USP48: variants seen among roughly 807,000 people sequenced by gnomAD.
The protein encoded by USP48 is ubiquitin specific peptidase 48.
Under a neutral mutation model 150.7 loss-of-function variants are expected in USP48, and 43 were observed. That is an observed-to-expected ratio of 0.29 (90% confidence interval 0.22 to 0.37). The LOEUF (loss-of-function observed/expected upper bound fraction) is 0.37. Ranked by LOEUF, USP48 falls within the 10% of genes least tolerant of loss-of-function variation. USP48 has a pLI of 1.00. For synonymous variants in USP48, 396 were observed against 425.9 expected (o/e 0.93, Z 0.86); for missense variants, 813 against 1,249.6 (o/e 0.65, Z 5.27).
chr1:21,777,714 T>C (rs1336717729), intron 1 of USP48, among the ~76,000 whole-genome samples: 3 of 151,766 alleles, frequency 2.0e-5, no homozygotes, highest in African/African-American at 4.8e-5. Flanking sequence ...TTGGACTACA[T>C]CAACATGAAA....
chr1:21,683,499 C>T (rs747796642), intron 25 of USP48, among the ~76,000 whole-genome samples: 1 of 152,130 alleles, frequency 6.6e-6, no homozygotes, highest in Non-Finnish European at 1.5e-5. Flanking sequence ...ATCCACCCAC[C>T]TCAGCCTCCC....
intron 1 of USP48, among the ~76,000 whole-genome samples, chr1:21,775,313 G>A (rs573077896): frequency 1.1e-4 from 17 of 152,196 alleles, no homozygotes; most frequent in Admixed American, 8.5e-4. Context: ...CCAGGTTGGC[G>A]TGCAGTGGCT....
chr1:21,689,584 G>A (rs2097591164), intron 24 of USP48, among the ~76,000 whole-genome samples: 1 of 152,104 alleles, frequency 6.6e-6, no homozygotes, highest in African/African-American at 2.4e-5. Context: ...GGGTGAGTGG[G>A]ATTTATACCA....
chr1:21,686,622 T>C (rs1347503165), intron 25 of USP48: 2 of 152,528 alleles, frequency 1.3e-5, no homozygotes, highest in Admixed American at 1.3e-4. Flanking sequence ...GGAGGGTAAG[T>C]AATGGGCTGC....
At chr1:21,687,347 T>C in intron 24 of USP48, 108 bp from the exon 25 acceptor site, 5 of 1,027,692 alleles carry the variant, frequency 4.9e-6, no homozygotes, top group Non-Finnish European at 7.3e-6. Context: ...ACAAACACAC[T>C]GTCCAGTAGA....
chr1:21,691,614 G>C (rs933604994), intron 23 of USP48, among the ~76,000 whole-genome samples: 1 of 152,190 alleles, frequency 6.6e-6, no homozygotes, highest in South Asian at 2.1e-4. Context: ...CAGTCTGGGC[G>C]AAAGAGCAAG....
chr1:21,708,839 C>T lies in USP48; in HGVS notation c.1964-1971G>A, dbSNP rs1444197531. ...GGCAGAGGTTGCAGTGAGCCAAGAT[C>T]GCACCATTGTAATCCAGCCTGGGTG... On this transcript the variant is annotated intron_variant, in intron 15 of 26. Transcript: ENST00000308271. 3.7e-5 allele frequency among the ~76,000 whole-genome samples: 5 copies of T among 135,670 alleles called. No individual in the cohort carries two copies. The East Asian group carries it at 8.8e-4, about 24-fold the overall frequency. The allele number at this position is 135,670 out of a possible 152,430, so 89.0% of individuals were successfully genotyped here. A position where few individuals can be genotyped will look rare whatever the true frequency, so the allele number is the denominator to read the frequency against.
chr1:21,705,693 A>AG, intron 19 of USP48, 34 bp downstream of exon 19: 1 of 1,463,236 alleles, frequency 6.8e-7, no homozygotes. Context: ...AGAGAAAAGA[A>AG]GAAAAAAAAA....
At chr1:21,684,124 A>G (rs761004174) in intron 25 of USP48, among the ~76,000 whole-genome samples, 8 of 152,154 alleles carry the variant, frequency 5.3e-5, no homozygotes, top group Non-Finnish European at 1.2e-4. Flanking sequence ...CGATACACTG[A>G]TTTCTTTTCC....
chr1:21,770,642 G>A (rs970673771), intron 1 of USP48, among the ~76,000 whole-genome samples: 3 of 151,238 alleles, frequency 2.0e-5, no homozygotes, highest in East Asian at 2.0e-4. Context: ...CACCATGCTC[G>A]GCTAATTTTT....
rs372049370 is a variant in USP48 at position 21,782,852 on chromosome 1, G to A, written c.106C>T (p.Leu36=). 7.0e-6 allele frequency: 11 copies of A among 1,560,326 alleles called. No homozygotes were observed. The Admixed American group carries it at 1.5e-4, about 22-fold the overall frequency. ...CACACGCCGCGAATGCAGGGCTCCA[G>A]CCAGATGCGGTAAGCGGTCTCGATG... The part of the protein sequence containing the change: ...EHIETAYRIW[L]EPCIRGVCRR... The change falls in exon 1 of 27, where the codon CTG becomes TTG. Residue 36 remains leucine (L), a synonymous_variant. Transcript: ENST00000308271.
At chr1:21,761,539 T>C (rs2097850119) in intron 1 of USP48, among the ~76,000 whole-genome samples, 6 of 152,150 alleles carry the variant, frequency 3.9e-5, no homozygotes, top group Admixed American at 3.3e-4. Flanking sequence ...TGTTACATAT[T>C]CCAAAAATAA....
rs1210477957 is a variant in USP48, at chr1:21,775,374, G to T, written c.134+7450C>A. Among the ~76,000 whole-genome samples the T allele has an allele frequency of 7.9e-5, 12 of 152,232 alleles. No homozygotes were observed. The East Asian group carries it at 1.9e-3, about 25-fold the overall frequency. ...CCTCCTGGGTTCAAGCAATTCTCGCGCCTCAGCCTCCTGAGTAGCTGGAAT... is the reference window on the plus strand; with the variant it reads ...CCTCCTGGGTTCAAGCAATTCTCGCTCCTCAGCCTCCTGAGTAGCTGGAAT... On this transcript the variant is annotated intron_variant, in intron 1 of 26. Coordinates refer to ENST00000308271, the MANE Select transcript of USP48 (RefSeq NM_032236.8).
Position 21,705,741 on chromosome 1 carries a change from T to C in USP48, c.2370A>G (p.Lys790=). 1.2e-6 allele frequency: 2 copies of C among 1,604,594 alleles called. No homozygotes were observed. Among genetic ancestry groups the C allele is most frequent in the South Asian group, 2.3e-5 (2 of 88,506 alleles). ...AAGGAACTCACAGTTTAGAATCTTC[T>C]TTGGTCATGGAAGCAAATGTAAACA... ...GLMFTFASMT[K]EDSKLIALIW... The change falls in exon 19 of 27, where the codon AAA becomes AAG. Residue 790 remains lysine (K), a synonymous_variant. Coordinates refer to ENST00000308271, the MANE Select transcript of USP48 (RefSeq NM_032236.8).
At chr1:21,708,141 C>T (rs934919907) in intron 15 of USP48, among the ~76,000 whole-genome samples, 2 of 151,862 alleles carry the variant, frequency 1.3e-5, no homozygotes, top group Non-Finnish European at 1.5e-5. Flanking sequence ...CTGGCCTGGG[C>T]AACAGAGAGA....
chr1:21,694,922 A>G (rs183752774), intron 23 of USP48, 144 bp downstream of exon 23: 3 of 945,682 alleles, frequency 3.2e-6, no homozygotes, highest in Non-Finnish European at 4.4e-6. Flanking sequence ...TCATCTTCAC[A>G]AAAAGATTTT....
At chr1:21,775,568 T>G (rs1409337457) in intron 1 of USP48, among the ~76,000 whole-genome samples, 1 of 152,238 alleles carries the variant, frequency 6.6e-6, no homozygotes, top group African/African-American at 2.4e-5. Context: ...ATTAGGGTTT[T>G]GGGACTAGAG....
chr1:21,701,248 C>T (rs988193482), intron 22 of USP48, among the ~76,000 whole-genome samples: 6 of 151,154 alleles, frequency 4.0e-5, no homozygotes, highest in Non-Finnish European at 8.8e-5. Context: ...CGCCTATAAT[C>T]CCAGCTACTT....
At chr1:21,780,485 A>T (rs1388135654) in intron 1 of USP48, among the ~76,000 whole-genome samples, 2 of 152,184 alleles carry the variant, frequency 1.3e-5, no homozygotes, top group Admixed American at 1.3e-4. Flanking sequence ...TGGTTGTACA[A>T]CACTATAAAG....
Sources: gnomAD v4.1 joint callset for allele counts (sites outside exome capture counted in the v4.1 genomes callset) on GRCh38, gnomAD v4.1.1 for gene constraint, MANE v1.5 for transcripts, NCBI Gene and HGNC (gene_info 2026-07-23, HGNC 2026-07-21) for gene names.